Variants in ALDH5A1 observed in about 807,000 individuals in gnomAD.
The protein encoded by ALDH5A1 is succinate-semialdehyde dehydrogenase, mitochondrial.
Under a neutral mutation model 54.7 loss-of-function variants are expected in ALDH5A1, and 33 were observed. The ratio of observed to expected loss-of-function variants is 0.60; its 90% CI spans 0.46 to 0.81. ALDH5A1 has a LOEUF of 0.81. ALDH5A1 is among the 30% of genes least tolerant of loss of function. The pLI is 0.00. For synonymous variants in ALDH5A1, 294 were observed against 292.7 expected, an observed-to-expected ratio of 1.00 and a Z score of -0.05; for missense variants, 657 against 711.0, an observed-to-expected ratio of 0.92 and a Z score of 0.86.
intron 4 of ALDH5A1, among the ~76,000 whole-genome samples, chr6:24,507,959 C>G (rs1302045371): frequency 2.6e-5 from 4 of 151,872 alleles, no homozygotes; most frequent in African/African-American, 9.7e-5. Flanking sequence ...CCCTGAGTCC[C>G]CAAAGTCCAC....
At chr6:24,529,612 T>A (rs1759889024) in intron 8 of ALDH5A1, among the ~76,000 whole-genome samples, 1 of 151,842 alleles carries the variant, frequency 6.6e-6, no homozygotes, top group African/African-American at 2.4e-5. Context: ...TGGCACACAG[T>A]GAGGTTTTTC....
Position 24,515,646 on chromosome 6 carries a change from C to T in ALDH5A1, c.870+336C>T, listed in dbSNP as rs374897524. On this transcript the variant is annotated intron_variant, in intron 5 of 9. Transcript: ENST00000357578. Reference sequence around the variant, plus strand: ...CTGAGGCATGAGAATCACTTGAACCCGGGAGGCGAAGGTTGCAGTGAGCCA... The same window carrying T: ...CTGAGGCATGAGAATCACTTGAACCTGGGAGGCGAAGGTTGCAGTGAGCCA... Among the ~76,000 whole-genome samples the T allele has an allele frequency of 3.2e-3, 483 of 152,248 alleles. 1 individual carries two copies. Among genetic ancestry groups the T allele is most frequent in the South Asian group, 0.02 (95 of 4,828 alleles).
chr6:24,511,879 G>C (rs550420699), intron 4 of ALDH5A1: 2 of 598,530 alleles, frequency 3.3e-6, no homozygotes, highest in East Asian at 3.1e-5. Context: ...GTGAGCTCAT[G>C]TGATTTTTGG....
chr6:24,514,341 A>C (rs2252525), intron 4 of ALDH5A1, among the ~76,000 whole-genome samples: 114,742 of 152,140 alleles, frequency 0.75, 44,364 homozygotes, highest in Non-Finnish European at 0.86. Context: ...TCTACAGGTG[A>C]ATCAAGTAAC....
Position 24,533,453 on chromosome 6 carries a change from G to C in ALDH5A1, c.1403-54G>C, listed in dbSNP as rs1759974119. On this transcript the variant is annotated intron_variant, in intron 9 of 9. Transcript: ENST00000357578. ...CAATGGTGCCCTCATCTTTAGGCAT[G>C]ATGTCTTTAATGACTCTTCTAAATG... is the stretch of plus-strand genomic sequence containing the variant. 16 of 1,581,236 alleles carry C rather than the reference G, an allele frequency of 1.0e-5. 1 individual carries two copies. Among genetic ancestry groups the C allele is most frequent in the Non-Finnish European group, 9.6e-6 (11 of 1,151,346 alleles).
rs1014494381 is a variant in ALDH5A1, at chr6:24,536,149, A to T, written c.*2437A>T. 1 of 152,214 alleles carries T rather than the reference A, an allele frequency of 6.6e-6. No homozygotes were observed. Among genetic ancestry groups the T allele is most frequent in the Non-Finnish European group, 1.5e-5 (1 of 68,044 alleles). 9.4% of individuals were successfully genotyped at this position (152,214 alleles called of 1,614,324 possible). ...AAGTAGCCATATGTAACGGGATTTT[A>T]AAAATATATACATTTTACAACATGG... On this transcript the variant is annotated 3_prime_UTR_variant, in exon 10 of 10. Transcript: ENST00000357578.
rs4646832 is a variant in ALDH5A1 at position 24,495,102 on chromosome 6, G to C, written c.106G>C (p.Gly36Arg). 0.028 allele frequency: 36,790 copies of C among 1,315,212 alleles called. 855 individuals are homozygous for C. Among genetic ancestry groups the C allele is most frequent in the East Asian group, 0.1 (3,206 of 31,784 alleles). 81.5% of individuals were successfully genotyped at this position (1,315,212 alleles called of 1,614,324 possible). Residue 36 changes from glycine to arginine, a missense_variant, in exon 1 of 10, where the codon GGG becomes CGG. By Grantham distance (125) the Gly-to-Arg change is moderately radical. Transcript: ENST00000357578. ...PRAGGLVPASGPAPGPAQLRC... is the reference protein window; with the variant it reads ...PRAGGLVPASRPAPGPAQLRC... ...CGCCGGCGGCCTGGTCCCTGCCTCCGGGCCTGCGCCCGGCCCGGCCCAGCT... is the reference window on the plus strand; with the variant it reads ...CGCCGGCGGCCTGGTCCCTGCCTCCCGGCCTGCGCCCGGCCCGGCCCAGCT...
chr6:24,508,271 G>T (rs1759394511), intron 4 of ALDH5A1, among the ~76,000 whole-genome samples: 1 of 146,416 alleles, frequency 6.8e-6, no homozygotes, highest in African/African-American at 2.5e-5. Flanking sequence ...GCTGAGGCAG[G>T]AGAATCACTT....
At chr6:24,501,033 A>G (rs1425736426) in intron 1 of ALDH5A1, among the ~76,000 whole-genome samples, 1 of 152,234 alleles carries the variant, frequency 6.6e-6, no homozygotes, top group Non-Finnish European at 1.5e-5. Flanking sequence ...TACCTTAAGC[A>G]CTAAGGCAGA....
chr6:24,522,125 C>T (rs1759695676), intron 6 of ALDH5A1, among the ~76,000 whole-genome samples: 1 of 152,036 alleles, frequency 6.6e-6, no homozygotes, highest in Non-Finnish European at 1.5e-5. Flanking sequence ...GGGTTACAGG[C>T]ATGAGCCACT....
intron 4 of ALDH5A1, among the ~76,000 whole-genome samples, chr6:24,506,307 G>T (rs1759355410): frequency 8.5e-6 from 1 of 117,744 alleles, no homozygotes; most frequent in Non-Finnish European, 1.7e-5. Flanking sequence ...AGGCTGGAGT[G>T]CAGGGTCGCA....
In ALDH5A1 at chr6:24,528,095, G is replaced by A. The variant is rs1759856213; in HGVS notation, c.1272G>A (p.Leu424=). The part of the protein sequence containing the change: ...QLGKNFFEPT[L]LCNVTQDMLC... ...GAAAAAATTTCTTTGAGCCTACCCT[G>A]CTGTGCAATGTCACCCAGGACATGC... Residue 424 remains leucine (L), a synonymous_variant, in exon 8 of 10, where the codon CTG becomes CTA. Transcript: ENST00000357578. The A allele has an allele frequency of 6.2e-7, 1 of 1,614,098 alleles. No homozygotes were observed.
At position 24,537,139 on chromosome 6, in the gene ALDH5A1, T is replaced by G. The variant is rs1207553744; in HGVS notation, c.*3427T>G. ...TTCTAGTTTTTGACAATTGTGTGTT[T>G]TAGTGTCTAGTCTGCAGAGAGCTGT... On this transcript the variant is annotated 3_prime_UTR_variant, in exon 10 of 10. Transcript: ENST00000357578. The G allele has an allele frequency of 6.6e-6, 1 of 152,624 alleles. No homozygotes were observed. Among genetic ancestry groups the G allele is most frequent in the Non-Finnish European group, 1.5e-5 (1 of 68,046 alleles). 9.5% of individuals were successfully genotyped at this position (152,624 alleles called of 1,614,324 possible).
At chr6:24,528,326 A>G (rs1759861957) in intron 8 of ALDH5A1, among the ~76,000 whole-genome samples, 160 bp downstream of exon 8, 1 of 152,160 alleles carries the variant, frequency 6.6e-6, no homozygotes, top group South Asian at 2.1e-4. Context: ...TTTTAAAAAA[A>G]TCATAACTTA....
In ALDH5A1 at chr6:24,509,067, GT is replaced by G. The variant is rs1311742077; in HGVS notation, c.726+4083del. On this transcript the variant is annotated intron_variant, in intron 4 of 9. Coordinates refer to ENST00000357578, the MANE Select transcript of ALDH5A1 (RefSeq NM_001080.3). The surrounding 1 kb of genome is among the most constrained non-coding windows in gnomAD (Gnocchi z 4.7). Reference sequence around the variant, plus strand: ...AAGACTTTCTCCTGCTCTGTGGGTTGTCTGTTTACTCTGCTGACTGTTCCTT... The same window carrying G: ...AAGACTTTCTCCTGCTCTGTGGGTTGCTGTTTACTCTGCTGACTGTTCCTT... 1.3e-5 allele frequency among the ~76,000 whole-genome samples: 2 copies of G among 152,154 alleles called. No individual in the cohort carries two copies. The highest frequency in any genetic ancestry group is 4.8e-5 in the African/African-American group (2 of 41,434).
chr6:24,495,009 A>G lies in ALDH5A1; in HGVS notation c.13A>G (p.Ile5Val), dbSNP rs200398000. The G allele has an allele frequency of 1.6e-4, 218 of 1,324,764 alleles. No individual in the cohort carries two copies. The African/African-American group carries it at 3.0e-3, about 18-fold the overall frequency. The allele number at this position is 1,324,764 out of a possible 1,614,324, so 82.1% of individuals were successfully genotyped here. ...CGTTGCCCGGGCCATGGCGACCTGC[A>G]TTTGGCTGCGGAGCTGTGGGGCCCG... MATCIWLRSCGARRL... is the reference protein window; with the variant it reads MATCVWLRSCGARRL... Residue 5 changes from isoleucine to valine, a missense_variant, in exon 1 of 10, where the codon ATT becomes GTT. Physicochemically the swap from Ile to Val is conservative, Grantham distance 29 (BLOSUM62 3). Transcript: ENST00000357578.
intron 6 of ALDH5A1, among the ~76,000 whole-genome samples, chr6:24,521,289 G>GT (rs1561876154): frequency 1.3e-5 from 2 of 152,232 alleles, no homozygotes; most frequent in Non-Finnish European, 2.9e-5. Flanking sequence ...CTCTACAAAC[G>GT]TTGCATTTTA....
chr6:24,525,069 G>A (rs1453736307), intron 7 of ALDH5A1, among the ~76,000 whole-genome samples: 2 of 152,140 alleles, frequency 1.3e-5, no homozygotes, highest in Admixed American at 6.5e-5. Context: ...AGAGAAATTT[G>A]GTGGAAACCA....
At position 24,536,155 on chromosome 6, in the gene ALDH5A1, A is replaced by G. The variant is rs1760044580; in HGVS notation, c.*2443A>G. 1 of 152,246 alleles carries G rather than the reference A, an allele frequency of 6.6e-6. No homozygotes were observed. The highest frequency in any genetic ancestry group is 6.5e-5 in the Admixed American group (1 of 15,288). The allele number at this position is 152,246 out of a possible 1,614,324, so 9.4% of individuals were successfully genotyped here. ...CCATATGTAACGGGATTTTAAAAAT[A>G]TATACATTTTACAACATGGACTAGA... On this transcript the variant is annotated 3_prime_UTR_variant, in exon 10 of 10. Transcript: ENST00000357578.
Sources: allele counts gnomAD v4.1 joint callset (sites outside exome capture counted in the v4.1 genomes callset), GRCh38; gene constraint gnomAD v4.1.1; non-coding constraint Gnocchi (gnomAD v3.1); transcripts MANE v1.5; gene names NCBI Gene and HGNC (gene_info 2026-07-23, HGNC 2026-07-21).